The following MYO1H variants were observed in gnomAD, a reference collection of about 807,000 sequenced individuals.
MYO1H encodes myosin IH.
Under a neutral mutation model 149.3 loss-of-function variants are expected in MYO1H, and 118 were observed. The ratio of observed to expected loss-of-function variants is 0.79; its 90% CI spans 0.68 to 0.92. The LOEUF is 0.92. MYO1H is among the 40% of genes least tolerant of loss of function. The pLI, the probability that MYO1H is intolerant of heterozygous loss-of-function variation, is 0.00. For missense variants in MYO1H, 1,212 were observed against 1,280.7 expected (o/e 0.95, Z 0.82); for synonymous variants, 447 against 465.2 (o/e 0.96, Z 0.50).
At chr12:109,312,514 C>T in the MYO1H span, among the ~76,000 whole-genome samples, 8 of 152,144 alleles carry the variant, frequency 5.3e-5, no homozygotes, top group South Asian at 4.1e-4. Flanking sequence ...GGATTACAGG[C>T]GTGAGTCACC....
intron 13 of MYO1H, among the ~76,000 whole-genome samples, chr12:109,411,605 T>TTGGCATTAAGC (rs11269477): frequency 0.43 from 65,685 of 151,734 alleles, 15,220 homozygotes; most frequent in African/African-American, 0.59. Context: ...GAAAACGAGG[T>TTGGCATTAAGC]TGGTCATAGT....
chr12:109,443,009 A>AAT (rs1335069078), intron 27 of MYO1H, among the ~76,000 whole-genome samples: 625 of 58,500 alleles, frequency 0.011, 100 homozygotes, highest in Middle Eastern at 0.051. Context: ...AAAAAAAAAA[A>AAT]ATATATATAT....
At chr12:109,381,868 A>G (rs1869211574) in intron 1 of MYO1H, among the ~76,000 whole-genome samples, 1 of 152,224 alleles carries the variant, frequency 6.6e-6, no homozygotes. Flanking sequence ...TAACCAATAC[A>G]TATAAACCTT....
chr12:109,437,401 T>G (rs1871905496), intron 22 of MYO1H, among the ~76,000 whole-genome samples: 1 of 152,244 alleles, frequency 6.6e-6, no homozygotes, highest in Non-Finnish European at 1.5e-5. Flanking sequence ...AAATTGATTT[T>G]GAAATTCAAC....
intron 1 of MYO1H, among the ~76,000 whole-genome samples, chr12:109,372,934 A>G (rs1241245839): frequency 6.6e-6 from 1 of 152,074 alleles, no homozygotes; most frequent in Non-Finnish European, 1.5e-5. Flanking sequence ...GTGTTCCTCA[A>G]GAGTGTGTTA....
chr12:109,362,660 G>A (rs1253228677), intron 1 of MYO1H, among the ~76,000 whole-genome samples: 1 of 152,156 alleles, frequency 6.6e-6, no homozygotes, highest in Admixed American at 6.5e-5. Context: ...GAGAAACTTA[G>A]CAAGGCCTGT....
intron 1 of MYO1H, among the ~76,000 whole-genome samples, chr12:109,383,403 T>A (rs1047541620): frequency 6.6e-6 from 1 of 152,200 alleles, no homozygotes; most frequent in Non-Finnish European, 1.5e-5. Context: ...CTGTTCCGCA[T>A]GTGTATTAGT....
At chr12:109,337,102 C>T in the MYO1H span, among the ~76,000 whole-genome samples, 170 of 152,300 alleles carry the variant, frequency 1.1e-3, 1 homozygote, top group African/African-American at 3.9e-3. Context: ...GAAGGAAGCA[C>T]AGAGATAAAT....
At chr12:109,443,618 C>A (rs1235714488) in exon 28 of MYO1H, 2 of 1,613,330 alleles carry the variant, frequency 1.2e-6, no homozygotes, top group Non-Finnish European at 1.7e-6. Context: ...TTGCCAAAAT[C>A]AAGCAGAAAA....
intron 15 of MYO1H, among the ~76,000 whole-genome samples, chr12:109,419,943 T>G (rs1298875901): frequency 6.6e-6 from 1 of 152,096 alleles, no homozygotes; most frequent in African/African-American, 2.4e-5. Flanking sequence ...TATTAACTGA[T>G]TAAGTTTTAG....
At chr12:109,352,239 T>C (rs976954788) in intron 1 of MYO1H, among the ~76,000 whole-genome samples, 1 of 152,110 alleles carries the variant, frequency 6.6e-6, no homozygotes, top group Non-Finnish European at 1.5e-5. Flanking sequence ...TTTTAAACGG[T>C]ATAGGAAATT....
chr12:109,443,009 A>T (rs71442732), intron 27 of MYO1H, among the ~76,000 whole-genome samples: 14,098 of 58,448 alleles, frequency 0.24, 2,790 homozygotes, highest in African/African-American at 0.34. Context: ...AAAAAAAAAA[A>T]ATATATATAT....
At chr12:109,411,142 AAAAAAT>A (rs764896150) in intron 13 of MYO1H, among the ~76,000 whole-genome samples, 2 of 152,016 alleles carry the variant, frequency 1.3e-5, no homozygotes, top group Non-Finnish European at 2.9e-5. Flanking sequence ...ACTCCATCTC[AAAAAAT>A]AAAAATAAAA....
the MYO1H span, among the ~76,000 whole-genome samples, chr12:109,327,502 C>T: frequency 2.0e-5 from 3 of 151,696 alleles, no homozygotes; most frequent in Non-Finnish European, 4.4e-5. Context: ...GTAATAACTG[C>T]ACTTTGGGAG....
upstream of MYO1H, among the ~76,000 whole-genome samples, chr12:109,343,669 G>T (rs751003865): frequency 1.3e-5 from 2 of 152,166 alleles, no homozygotes; most frequent in African/African-American, 4.8e-5. Context: ...GACTAAGTGT[G>T]TGTATATTAC....
exon 6 of MYO1H, chr12:109,401,217 G>T (rs370534729): frequency 6.2e-7 from 1 of 1,613,694 alleles, no homozygotes; most frequent in South Asian, 1.1e-5. Flanking sequence ...GAAGAGGAGC[G>T]CCTGTCTTAC....
intron 1 of MYO1H, among the ~76,000 whole-genome samples, chr12:109,356,577 C>T (rs1032526156): frequency 1.3e-5 from 2 of 151,996 alleles, no homozygotes; most frequent in African/African-American, 2.4e-5. Context: ...GAAGACTAGG[C>T]TTTGCATTTA....
chr12:109,409,627 A>G lies in MYO1H; in HGVS notation c.1223+3A>G. ...TTTGAAGTCTTTGACAAGAATGGGT[A>G]TGTTTTGTCATTACCTACCTATCTG... On this transcript the variant is annotated splice_donor_region_variant and intron_variant, in intron 11 of 31. Coordinates refer to ENST00000310903, the Ensembl canonical transcript of MYO1H. 1 of 1,605,146 alleles carries G rather than the reference A, an allele frequency of 6.2e-7. No individual in the cohort carries two copies. Among genetic ancestry groups the G allele is most frequent in the African/African-American group, 1.3e-5 (1 of 74,800 alleles).
At chr12:109,318,385 CTGTT>C in the MYO1H span, among the ~76,000 whole-genome samples, 12 of 152,290 alleles carry the variant, frequency 7.9e-5, no homozygotes, top group South Asian at 2.1e-4. Context: ...CTTCCCTTCA[CTGTT>C]TGGCTGGTCT....
Sources: allele counts gnomAD v4.1 joint callset (sites outside exome capture counted in the v4.1 genomes callset), GRCh38; gene constraint gnomAD v4.1.1; transcripts MANE v1.5; gene names NCBI Gene and HGNC (gene_info 2026-07-23, HGNC 2026-07-21).